KCNIP4: variants seen among roughly 807,000 people sequenced by gnomAD.
The protein encoded by KCNIP4 is Kv channel-interacting protein 4.
KCNIP4 carries 12 observed loss-of-function variants against 34.0 expected under a neutral mutation model. The ratio of observed to expected loss-of-function variants is 0.35; its 90% confidence interval spans 0.23 to 0.57. The LOEUF (loss-of-function observed/expected upper bound fraction) is 0.57, where lower values mean the gene tolerates loss of function less well. Ranked by LOEUF, KCNIP4 falls within the 20% of genes least tolerant of loss-of-function variation. The pLI is 0.83. For synonymous variants in KCNIP4, 124 were observed against 102.2 expected, an observed-to-expected ratio of 1.21 and a Z score of -1.29; for missense variants, 238 against 311.7, an observed-to-expected ratio of 0.76 and a Z score of 1.78.
chr4:21,451,752 G>T (rs1728522896), intron 1 of KCNIP4, among the ~76,000 whole-genome samples: 1 of 152,028 alleles, frequency 6.6e-6, no homozygotes, highest in Admixed American at 6.6e-5. Flanking sequence ...CCTTAAGGTG[G>T]TGTCTGTAAT....
At chr4:20,963,798 C>T (rs927692491) in intron 1 of KCNIP4, among the ~76,000 whole-genome samples, 4 of 151,888 alleles carry the variant, frequency 2.6e-5, no homozygotes, top group South Asian at 4.2e-4. Flanking sequence ...AAATATTAGA[C>T]GAGAATGAGC....
intron 5 of KCNIP4, among the ~76,000 whole-genome samples, chr4:20,748,558 TTTTATATATATATATATATATATATA>T (rs1246397065): frequency 2.6e-4 from 31 of 118,556 alleles, no homozygotes; most frequent in Middle Eastern, 4.6e-3. Flanking sequence ...ACCTTCCAAA[TTTTATATATATATATATATATATATA>T]TATATATATA....
chr4:20,977,315 T>C (rs1323742228), intron 1 of KCNIP4, among the ~76,000 whole-genome samples: 2 of 152,208 alleles, frequency 1.3e-5, no homozygotes, highest in South Asian at 2.1e-4. Context: ...GTCAATGTCT[T>C]GCTCACTTAA....
intron 1 of KCNIP4, among the ~76,000 whole-genome samples, chr4:21,436,620 C>G (rs1050923108): frequency 2.6e-5 from 4 of 152,302 alleles, no homozygotes; most frequent in South Asian, 4.1e-4. Flanking sequence ...AAGACTGTCT[C>G]TGCACTTTCT....
intron 1 of KCNIP4, chr4:21,846,095 C>T (rs1723997414): frequency 6.6e-6 from 1 of 151,918 alleles, no homozygotes; most frequent in Admixed American, 6.6e-5. Flanking sequence ...TTTTAATTTT[C>T]CTATTGTGCT....
chr4:21,828,712 G>A lies in KCNIP4; in HGVS notation c.61+119859C>T, dbSNP rs144154553. Reference sequence around the variant, plus strand: ...AAAGGCACCATGAAATCATGTCTCCGAGTGCTGAGAAGAAAAAAATGTATA... The same window carrying A: ...AAAGGCACCATGAAATCATGTCTCCAAGTGCTGAGAAGAAAAAAATGTATA... On this transcript the variant is annotated intron_variant, in intron 1 of 8. Transcript: ENST00000382152. 8.9e-3 allele frequency among the ~76,000 whole-genome samples: 1,354 copies of A among 151,946 alleles called. 12 individuals carry two copies. Among genetic ancestry groups the A allele is most frequent in the Non-Finnish European group, 0.01 (696 of 67,862 alleles).
At chr4:20,842,312 G>A (rs186517396) in intron 3 of KCNIP4, among the ~76,000 whole-genome samples, 24 of 152,120 alleles carry the variant, frequency 1.6e-4, no homozygotes, top group African/African-American at 4.1e-4. Context: ...AGCATTTCTC[G>A]CAGGAGAAAA....
At chr4:20,925,588 A>G (rs995900817) in intron 1 of KCNIP4, among the ~76,000 whole-genome samples, 1 of 152,182 alleles carries the variant, frequency 6.6e-6, no homozygotes, top group Non-Finnish European at 1.5e-5. Context: ...TCTATAGAGT[A>G]GCGATTCTTT....
At chr4:21,560,150 C>A (rs567407815) in intron 1 of KCNIP4, among the ~76,000 whole-genome samples, 1 of 152,014 alleles carries the variant, frequency 6.6e-6, no homozygotes, top group African/African-American at 2.4e-5. Flanking sequence ...TGCAAATGGG[C>A]TTCAAATGAT....
chr4:21,758,969 G>A (rs747358836), intron 1 of KCNIP4, among the ~76,000 whole-genome samples: 26 of 152,074 alleles, frequency 1.7e-4, no homozygotes, highest in Non-Finnish European at 3.2e-4. Context: ...TCAAGTTTGT[G>A]TGAGAAATTA....
intron 1 of KCNIP4, among the ~76,000 whole-genome samples, chr4:21,249,888 C>T (rs1214093816): frequency 6.6e-6 from 1 of 152,060 alleles, no homozygotes; most frequent in African/African-American, 2.4e-5. Flanking sequence ...TCAATAAGCT[C>T]ATAGCCATTT....
intron 1 of KCNIP4, among the ~76,000 whole-genome samples, chr4:21,612,072 G>T (rs1337150810): frequency 6.6e-6 from 1 of 152,124 alleles, no homozygotes; most frequent in African/African-American, 2.4e-5. Flanking sequence ...CAAAGTGTGG[G>T]ATATACGCCT....
At position 21,761,134 on chromosome 4, in the gene KCNIP4, C is replaced by G. The variant is rs1178865133; in HGVS notation, c.61+187437G>C. 2.6e-5 allele frequency among the ~76,000 whole-genome samples: 4 copies of G among 152,126 alleles called. No individual in the cohort carries two copies. The East Asian group carries it at 7.7e-4, about 29-fold the overall frequency. On this transcript the variant is annotated intron_variant, in intron 1 of 8. Coordinates refer to ENST00000382152, the MANE Select transcript of KCNIP4 (RefSeq NM_025221.6). ...ATAATTTTTTGAGAGATGAGTCTCA[C>G]TCTGTTGCCCAGGCTGGAGTGCTGT...
intron 1 of KCNIP4, among the ~76,000 whole-genome samples, chr4:21,169,157 T>G (rs1753830404): frequency 6.6e-6 from 1 of 152,026 alleles, no homozygotes; most frequent in Non-Finnish European, 1.5e-5. Context: ...TAAAACTCTA[T>G]TTTGTTGTTG....
chr4:21,109,490 C>T (rs1464210992), intron 1 of KCNIP4, among the ~76,000 whole-genome samples: 2 of 152,138 alleles, frequency 1.3e-5, no homozygotes, highest in East Asian at 3.9e-4. Flanking sequence ...CCCGATTTTC[C>T]AGGTGCCGTC....
chr4:20,908,331 C>T (rs1411476713), intron 1 of KCNIP4, among the ~76,000 whole-genome samples: 1 of 152,154 alleles, frequency 6.6e-6, no homozygotes, highest in Admixed American at 6.5e-5. Context: ...AACTCCTGAC[C>T]TCGTGATCCG....
chr4:20,972,255 A>G (rs1472570449), intron 1 of KCNIP4, among the ~76,000 whole-genome samples: 1 of 152,232 alleles, frequency 6.6e-6, no homozygotes, highest in Non-Finnish European at 1.5e-5. Flanking sequence ...AATGGCATAC[A>G]GAATGGTGAA....
intron 1 of KCNIP4, among the ~76,000 whole-genome samples, chr4:21,173,268 G>GA (rs35388656): frequency 0.013 from 1,963 of 151,494 alleles, 23 homozygotes; most frequent in South Asian, 0.027. Context: ...AGGTTTGGGG[G>GA]AAAAAAAACC....
At chr4:20,858,918 G>A (rs1009467471) in intron 2 of KCNIP4, among the ~76,000 whole-genome samples, 6 of 152,192 alleles carry the variant, frequency 3.9e-5, no homozygotes, top group African/African-American at 1.4e-4. Flanking sequence ...GCTTACAAGT[G>A]ACAGGGCTGG....
Sources: gnomAD v4.1 joint callset for allele counts (sites outside exome capture counted in the v4.1 genomes callset) on GRCh38, gnomAD v4.1.1 for gene constraint, MANE v1.5 for transcripts, NCBI Gene and HGNC (gene_info 2026-07-23, HGNC 2026-07-21) for gene names.